Variants in UNC5C observed in about 807,000 individuals in gnomAD.
UNC5C encodes netrin receptor UNC5C.
In UNC5C, 47 loss-of-function variants were observed where a neutral mutation model predicts 99.8. The ratio of observed to expected loss-of-function variants is 0.47; its 90% CI spans 0.37 to 0.60. UNC5C has a LOEUF of 0.60. Ranked by LOEUF, UNC5C falls within the 20% of genes least tolerant of loss-of-function variation. The pLI, the probability that UNC5C is intolerant of heterozygous loss-of-function variation, is 0.00. For missense variants in UNC5C, 1,062 were observed against 1,165.9 expected, an observed-to-expected ratio of 0.91 and a Z score of 1.30; for synonymous variants, 487 against 452.2, an observed-to-expected ratio of 1.08 and a Z score of -0.98.
chr4:95,359,586 AC>A (rs1030292727), intron 1 of UNC5C, among the ~76,000 whole-genome samples: 2 of 151,970 alleles, frequency 1.3e-5, no homozygotes, highest in Non-Finnish European at 2.9e-5. Flanking sequence ...CTGGGACGCA[AC>A]TTTTTAAAGC....
In UNC5C at chr4:95,189,027, T is replaced by C. The variant is rs780342090; in HGVS notation, c.2137-3831A>G. On this transcript the variant is annotated intron_variant, in intron 12 of 15. Transcript: ENST00000453304. ...TAGAATATGAACAAAATATATTTAATGTCAGAAGATTTAGGAAGACTTAAG... is the reference window on the plus strand; with the variant it reads ...TAGAATATGAACAAAATATATTTAACGTCAGAAGATTTAGGAAGACTTAAG... 1.4e-4 allele frequency among the ~76,000 whole-genome samples: 21 copies of C among 152,240 alleles called. 1 individual carries two copies. Among genetic ancestry groups the C allele is most frequent in the Non-Finnish European group, 2.6e-4 (18 of 68,048 alleles).
At chr4:95,386,188 T>C (rs1458969971) in intron 1 of UNC5C, among the ~76,000 whole-genome samples, 1 of 152,174 alleles carries the variant, frequency 6.6e-6, no homozygotes, top group African/African-American at 2.4e-5. Context: ...TACAACCAAT[T>C]TCTAACTGAG....
chr4:95,446,521 G>GTA (rs1290104454), intron 1 of UNC5C, among the ~76,000 whole-genome samples: 2,217 of 152,272 alleles, frequency 0.015, 50 homozygotes, highest in African/African-American at 0.051. Flanking sequence ...CCAGACAATG[G>GTA]GAGCAAGGGT....
intron 1 of UNC5C, among the ~76,000 whole-genome samples, chr4:95,511,262 T>A (rs2149487467): frequency 6.6e-6 from 1 of 150,832 alleles, no homozygotes; most frequent in South Asian, 2.1e-4. Flanking sequence ...ATATTTTTAA[T>A]TGTATTTGTC....
At chr4:95,258,591 A>T (rs999014084) in intron 4 of UNC5C, among the ~76,000 whole-genome samples, 1 of 152,020 alleles carries the variant, frequency 6.6e-6, no homozygotes, top group African/African-American at 2.4e-5. Flanking sequence ...GATTTGGGGC[A>T]TATTTGAACT....
intron 1 of UNC5C, among the ~76,000 whole-genome samples, chr4:95,466,968 C>A (rs1747800424): frequency 6.6e-6 from 1 of 152,090 alleles, no homozygotes; most frequent in Non-Finnish European, 1.5e-5. Context: ...TTCCTGCTTG[C>A]ACCTTGCTCT....
At chr4:95,476,344 C>G (rs186424263) in intron 1 of UNC5C, among the ~76,000 whole-genome samples, 6 of 152,108 alleles carry the variant, frequency 3.9e-5, no homozygotes, top group Non-Finnish European at 7.4e-5. Flanking sequence ...TCTTAAAAAG[C>G]CTGGCATCTA....
intron 7 of UNC5C, among the ~76,000 whole-genome samples, chr4:95,241,351 T>C (rs992970131): frequency 1.3e-5 from 2 of 152,260 alleles, no homozygotes; most frequent in African/African-American, 4.8e-5. Flanking sequence ...ATTGGATTTT[T>C]ATTCTGTGTG....
intron 1 of UNC5C, among the ~76,000 whole-genome samples, chr4:95,515,649 A>G (rs891766747): frequency 1.3e-5 from 2 of 152,230 alleles, no homozygotes; most frequent in Non-Finnish European, 2.9e-5. Context: ...ATGCATAGCC[A>G]ATAGTCAACA....
intron 14 of UNC5C, among the ~76,000 whole-genome samples, chr4:95,179,361 T>C (rs781366627): frequency 2.0e-5 from 3 of 152,244 alleles, no homozygotes; most frequent in Non-Finnish European, 2.9e-5. Context: ...TATACAGAAG[T>C]GCTGTGCACC....
At chr4:95,344,860 A>T (rs1158769920) in intron 1 of UNC5C, among the ~76,000 whole-genome samples, 2 of 152,028 alleles carry the variant, frequency 1.3e-5, no homozygotes, top group Non-Finnish European at 2.9e-5. Flanking sequence ...AATAAAAAAC[A>T]AAGAAATTTA....
intron 1 of UNC5C, among the ~76,000 whole-genome samples, chr4:95,361,799 T>A (rs1245600994): frequency 6.6e-6 from 1 of 152,180 alleles, no homozygotes; most frequent in African/African-American, 2.4e-5. Context: ...AACTGCCTTT[T>A]TTCACAGATT....
intron 2 of UNC5C, among the ~76,000 whole-genome samples, chr4:95,330,260 T>C (rs1253769567): frequency 6.6e-6 from 1 of 152,080 alleles, no homozygotes; most frequent in Non-Finnish European, 1.5e-5. Flanking sequence ...ATTACTCTAC[T>C]ATTTAAGAAT....
intron 12 of UNC5C, among the ~76,000 whole-genome samples, chr4:95,197,840 T>C (rs141455511): frequency 1.3e-5 from 2 of 152,174 alleles, no homozygotes; most frequent in African/African-American, 4.8e-5. Flanking sequence ...GAGGGTATCC[T>C]TGGTTATAAA....
rs114399870 is a variant in UNC5C, at chr4:95,215,712, G to A, written c.1733+412C>T. On this transcript the variant is annotated intron_variant, in intron 10 of 15. Transcript: ENST00000453304. ...GAATTAAGGGCTAGGCTGAGTGGGAGCGGTAGGGATTGGAGGAGTTGTCCA... is the reference window on the plus strand; with the variant it reads ...GAATTAAGGGCTAGGCTGAGTGGGAACGGTAGGGATTGGAGGAGTTGTCCA... 8.2e-3 allele frequency among the ~76,000 whole-genome samples: 1,251 copies of A among 152,266 alleles called. 20 individuals are homozygous for A. Among genetic ancestry groups the A allele is most frequent in the African/African-American group, 0.029 (1,193 of 41,546 alleles).
chr4:95,491,351 A>G (rs1286802003), intron 1 of UNC5C, among the ~76,000 whole-genome samples: 1 of 151,704 alleles, frequency 6.6e-6, no homozygotes, highest in East Asian at 1.9e-4. Context: ...AAAGAAATGT[A>G]GAATTTAGGA....
chr4:95,348,286 A>T (rs1377737426), intron 1 of UNC5C, among the ~76,000 whole-genome samples: 1 of 151,938 alleles, frequency 6.6e-6, no homozygotes, highest in Admixed American at 6.6e-5. Flanking sequence ...GGATGTGGAG[A>T]TAAGAGAACA....
intron 1 of UNC5C, among the ~76,000 whole-genome samples, chr4:95,476,511 G>T (rs1421116804): frequency 2.6e-5 from 4 of 151,750 alleles, no homozygotes; most frequent in African/African-American, 9.7e-5. Context: ...TTAGAACTGG[G>T]GTGTCCTTTA....
Position 95,446,268 on chromosome 4 carries a change from G to GA in UNC5C, c.124+102465dup, listed in dbSNP as rs199773925. On this transcript the variant is annotated intron_variant, in intron 1 of 15. Coordinates refer to ENST00000453304, the MANE Select transcript of UNC5C (RefSeq NM_003728.4). ...GTAAAGACAGAGGGAAAGGCTGTAG[G>GA]AAAAAAAAAATCTACAAAATGGAAG... is the stretch of plus-strand genomic sequence containing the variant. 4.7e-4 allele frequency among the ~76,000 whole-genome samples: 70 copies of GA among 149,040 alleles called. 1 individual carries two copies. The highest frequency in any genetic ancestry group is 4.2e-4 in the South Asian group (2 of 4,706).
Sources: gnomAD v4.1 joint callset for allele counts (sites outside exome capture counted in the v4.1 genomes callset) on GRCh38, gnomAD v4.1.1 for gene constraint, MANE v1.5 for transcripts, NCBI Gene and HGNC (gene_info 2026-07-23, HGNC 2026-07-21) for gene names.